The following FKBP15 variants were observed in gnomAD, a reference collection of about 807,000 sequenced individuals.
FKBP15 encodes FK506-binding protein 15.
FKBP15 carries 106 observed loss-of-function variants against 158.1 expected under a neutral mutation model. The ratio of observed to expected loss-of-function variants is 0.67; its 90% CI spans 0.57 to 0.79. The LOEUF (loss-of-function observed/expected upper bound fraction) is 0.79, where lower values mean the gene tolerates loss of function less well. Among genes scored for constraint, FKBP15 ranks in the 30% least tolerant of loss-of-function variants. FKBP15 has a pLI of 0.00. For missense variants in FKBP15, 1,287 were observed against 1,479.1 expected, an observed-to-expected ratio of 0.87 and a Z score of 2.13; for synonymous variants, 547 against 548.6, an observed-to-expected ratio of 1.00 and a Z score of 0.04.
intron 1 of FKBP15, 126 bp from the exon 2 acceptor site, chr9:113,211,718 A>C: frequency 1.9e-6 from 1 of 533,334 alleles, no homozygotes; most frequent in Non-Finnish European, 3.3e-6. Flanking sequence ...TCAATACTAG[A>C]AACACTTCAA....
chr9:113,162,705 A>G lies in FKBP15; in HGVS notation c.*3373T>C, dbSNP rs757764346. The G allele has an allele frequency of 4.5e-6, 7 of 1,567,246 alleles. No individual in the cohort carries two copies. In the African/African-American group the frequency reaches 8.1e-5, roughly 18 times the overall value. ...GATATCTACTCCCAGCTTCCTCATT[A>G]CCAGCTCATTACCAGGATTAACTTG... On this transcript the variant is annotated 3_prime_UTR_variant, in exon 28 of 28. Coordinates refer to ENST00000238256, the MANE Select transcript of FKBP15 (RefSeq NM_015258.2).
At chr9:113,218,377 T>TTTTATATA (rs1346739916) in intron 1 of FKBP15, among the ~76,000 whole-genome samples, 5 of 101,500 alleles carry the variant, frequency 4.9e-5, no homozygotes, top group African/African-American at 7.8e-5. Flanking sequence ...GTAAATACAA[T>TTTTATATA]TATATATATA....
At position 113,169,251 on chromosome 9, in the gene FKBP15, C is replaced by A; in HGVS notation, c.3458G>T (p.Arg1153Ile). ...GGAACGCTGGGAATGATGGCTGGGT[C>A]TGAGGGCTGCTCCTGCAACTGTGGA... is the stretch of plus-strand genomic sequence containing the variant. The part of the protein sequence containing the change: ...AGSTVAGAAL[R>I]PSHHSQRSSL... The change falls in exon 26 of 28, where the codon AGA becomes ATA. Residue 1153 changes from arginine (R) to isoleucine (I), a missense_variant. Coordinates refer to ENST00000238256, the MANE Select transcript of FKBP15 (RefSeq NM_015258.2). 6.2e-7 allele frequency: 1 copy of A among 1,613,812 alleles called. No individual in the cohort carries two copies. Among genetic ancestry groups the A allele is most frequent in the Non-Finnish European group, 8.5e-7 (1 of 1,179,770 alleles).
In FKBP15 at chr9:113,162,977, C is replaced by G; in HGVS notation, c.*3101G>C. 2 of 1,418,222 alleles carry G rather than the reference C, an allele frequency of 1.4e-6. No homozygotes were observed. Among genetic ancestry groups the G allele is most frequent in the Non-Finnish European group, 1.9e-6 (2 of 1,061,114 alleles). The allele number at this position is 1,418,222 out of a possible 1,614,324, so 87.9% of individuals were successfully genotyped here. On this transcript the variant is annotated 3_prime_UTR_variant, in exon 28 of 28. Transcript: ENST00000238256. ...GACATGGAGCCCCCTCTTCCAGACA[C>G]TATACTTCCAACTGCCCTTTCTTCT... is the stretch of plus-strand genomic sequence containing the variant.
In FKBP15 at chr9:113,169,450, C is replaced by G. The variant is rs778488499; in HGVS notation, c.3259G>C (p.Gly1087Arg). 1.2e-6 allele frequency: 2 copies of G among 1,614,048 alleles called. No homozygotes were observed. ...CTTGTGGAGCTTTCTTGTAGTGGGC[C>G]ATCTGGTGCTACTTCCCTGACACAG... is the stretch of plus-strand genomic sequence containing the variant. ...KVCVREVAPD[G>R]PLQESSTRLS... Residue 1087 changes from glycine (G) to arginine (R), a missense_variant, in exon 26 of 28, where the codon GGC becomes CGC. By Grantham distance (125) the Gly-to-Arg change is moderately radical. Transcript: ENST00000238256.
At chr9:113,206,220 G>A (rs988496305) in intron 4 of FKBP15, 7 of 452,748 alleles carry the variant, frequency 1.5e-5, no homozygotes, top group Admixed American at 1.2e-4. Flanking sequence ...GTGTACACAC[G>A]CACCCCACAA....
chr9:113,204,892 A>G (rs943005468), intron 4 of FKBP15, among the ~76,000 whole-genome samples: 10 of 152,114 alleles, frequency 6.6e-5, no homozygotes, highest in African/African-American at 2.4e-4. Flanking sequence ...TCTTTAAGAT[A>G]TTATTCCTAG....
intron 1 of FKBP15, among the ~76,000 whole-genome samples, chr9:113,215,348 G>C (rs989917257): frequency 3.3e-5 from 5 of 150,332 alleles, no homozygotes. Context: ...GAGTCATGGA[G>C]TATAGGTAGG....
At chr9:113,173,709 C>A in intron 22 of FKBP15, 104 bp from the exon 23 acceptor site, 1 of 1,194,930 alleles carries the variant, frequency 8.4e-7, no homozygotes, top group Non-Finnish European at 1.2e-6. Context: ...AATAAGCTAA[C>A]AGCCCAGATT....
In FKBP15 at chr9:113,199,941, C is replaced by T. The variant is rs1029893833; in HGVS notation, c.521G>A (p.Ser174Asn). 2 of 1,613,122 alleles carry T rather than the reference C, an allele frequency of 1.2e-6. No homozygotes were observed. The highest frequency in any genetic ancestry group is 1.3e-5 in the African/African-American group (1 of 75,014). ...GAGCACTGCATCCAGGGAAGAGGTA[C>T]TGTTGCACTTAGCAATGCACACCTG... ...NKQVCIAKCN[S>N]TSSLDAVLSQ... Residue 174 changes from serine (S) to asparagine (N), a missense_variant, in exon 7 of 28, where the codon AGT (serine) becomes AAT (asparagine). Ser to Asn is a conservative substitution (Grantham distance 46, BLOSUM62 1). Transcript: ENST00000238256.
intron 1 of FKBP15, among the ~76,000 whole-genome samples, chr9:113,217,791 T>C (rs554405556): frequency 1.3e-5 from 2 of 152,100 alleles, no homozygotes; most frequent in Non-Finnish European, 2.9e-5. Context: ...CAGTGAGCCA[T>C]GACTGCACCA....
At chr9:113,189,211 AT>A (rs907908384) in intron 12 of FKBP15, among the ~76,000 whole-genome samples, 2 of 152,310 alleles carry the variant, frequency 1.3e-5, no homozygotes, top group African/African-American at 4.8e-5. Flanking sequence ...GTCCCCTTAT[AT>A]TCTCTTCTAG....
At chr9:113,197,884 A>T (rs951964830) in intron 8 of FKBP15, among the ~76,000 whole-genome samples, 1 of 152,198 alleles carries the variant, frequency 6.6e-6, no homozygotes, top group African/African-American at 2.4e-5. Flanking sequence ...AGGTTCAGTG[A>T]TCATGACTTA....
intron 1 of FKBP15, among the ~76,000 whole-genome samples, chr9:113,212,806 C>G (rs917290233): frequency 6.6e-5 from 10 of 152,200 alleles, no homozygotes; most frequent in African/African-American, 2.2e-4. Flanking sequence ...TCTCTGTACT[C>G]ATTTACCTTG....
intron 12 of FKBP15, among the ~76,000 whole-genome samples, chr9:113,190,007 T>C (rs1433785146): frequency 3.9e-5 from 6 of 152,342 alleles, no homozygotes; most frequent in Admixed American, 3.3e-4. Context: ...AATAAAATTA[T>C]TGAACTTCTA....
chr9:113,218,352 A>G (rs1831182836), intron 1 of FKBP15, among the ~76,000 whole-genome samples: 1 of 144,832 alleles, frequency 6.9e-6, no homozygotes, highest in Non-Finnish European at 1.5e-5. Context: ...AATTAATAGT[A>G]CCTCATAGAG....
Position 113,174,460 on chromosome 9 carries a change from G to T in FKBP15, c.2347C>A (p.Arg783=). 1.9e-6 allele frequency: 3 copies of T among 1,613,928 alleles called. No homozygotes were observed. The highest frequency in any genetic ancestry group is 1.3e-5 in the African/African-American group (1 of 75,022). Residue 783 remains arginine (R), a synonymous_variant, in exon 22 of 28, where the codon CGA becomes AGA. Transcript: ENST00000238256. ...GCAGCTGCTTGGTCTGTGGACACTC[G>T]AGTCTTTTTCAAGAGCTGTCGAAGT... The part of the protein sequence containing the change: ...DKLRQLLKKT[R]VSTDQAAAEQ...
chr9:113,186,510 A>C (rs1283391811), intron 14 of FKBP15, 147 bp from the exon 15 acceptor site: 5 of 640,048 alleles, frequency 7.8e-6, no homozygotes, highest in Non-Finnish European at 1.4e-5. Context: ...TGGGTTTGGC[A>C]GTTGGTAAGG....
intron 26 of FKBP15, 38 bp from the exon 27 acceptor site, chr9:113,168,594 C>T (rs1470406924): frequency 8.2e-6 from 13 of 1,588,066 alleles, no homozygotes; most frequent in South Asian, 1.1e-5. Context: ...GTTATTGTTC[C>T]TGCTCCAGGT....
Sources: allele counts gnomAD v4.1 joint callset (sites outside exome capture counted in the v4.1 genomes callset), GRCh38; gene constraint gnomAD v4.1.1; transcripts MANE v1.5; gene names NCBI Gene and HGNC (gene_info 2026-07-23, HGNC 2026-07-21).